Variants in BRWD3 observed in about 807,000 individuals in gnomAD.
The protein encoded by BRWD3 is bromodomain and WD repeat-containing protein 3.
Under a neutral mutation model 149.7 loss-of-function variants are expected in BRWD3, and 10 were observed. The observed-to-expected ratio is 0.07, with a 90% CI of 0.04 to 0.11. The LOEUF is 0.11. Ranked by LOEUF, BRWD3 falls within the 10% of genes least tolerant of loss-of-function variation. BRWD3 has a pLI of 1.00. For synonymous variants in BRWD3, 504 were observed against 456.7 expected, an observed-to-expected ratio of 1.10 and a Z score of -1.32; for missense variants, 940 against 1,373.2, an observed-to-expected ratio of 0.68 and a Z score of 4.99.
At chrX:80,748,798 T>C (rs1454803041) in intron 6 of BRWD3, among the ~76,000 whole-genome samples, 1 of 111,740 alleles carries the variant, frequency 8.9e-6, no homozygotes, top group African/African-American at 3.3e-5. Context: ...TTGTTCATCT[T>C]TTTCTAGTTC....
chrX:80,674,892 T>G lies in BRWD3; in HGVS notation c.*1717A>C, dbSNP rs1304243812. On this transcript the variant is annotated 3_prime_UTR_variant, in exon 41 of 41. Transcript: ENST00000373275. The stretch of plus-strand genomic sequence containing the variant: ...TATGTGTGTACGCCTTCCTCTGCAC[T>G]TAAGGGTTTTCAGATGCATGAAATG... 2 of 111,890 alleles carry G rather than the reference T, an allele frequency of 1.8e-5. No homozygotes were observed. Among genetic ancestry groups the G allele is most frequent in the African/African-American group, 3.2e-5 (1 of 30,823 alleles). 9.2% of individuals were successfully genotyped at this position (111,890 alleles called of 1,213,427 possible).
At chrX:80,729,536 G>A in intron 13 of BRWD3, among the ~76,000 whole-genome samples, 1 of 111,471 alleles carries the variant, frequency 9.0e-6, no homozygotes, top group Non-Finnish European at 1.9e-5. Context: ...TTATAAAAGT[G>A]TCCTTAGAAA....
intron 22 of BRWD3, 21 bp downstream of exon 22, chrX:80,707,406 A>C (rs2072882148): frequency 1.7e-6 from 2 of 1,183,328 alleles, no homozygotes; most frequent in African/African-American, 3.5e-5. Flanking sequence ...ATTTTGACCA[A>C]ATTAAAACCA....
Position 80,688,966 on chromosome X carries a change from A to G in BRWD3, c.3807+802T>C, listed in dbSNP as rs1047173249. 6.6e-5 allele frequency among the ~76,000 whole-genome samples: 6 copies of G among 91,036 alleles called. No homozygotes were observed. In the East Asian group the frequency reaches 1.7e-3, roughly 26 times the overall value. The allele number at this position is 91,036 out of a possible 115,157, so 79.1% of individuals were successfully genotyped here. ...ACATTTAACTGCAATAATATATTTC[A>G]TAGTCAGACACATTTTCATGAAAAA... On this transcript the variant is annotated intron_variant, in intron 33 of 40. Transcript: ENST00000373275.
intron 17 of BRWD3, 69 bp downstream of exon 17, chrX:80,722,493 A>C (rs773038939): frequency 8.8e-5 from 87 of 991,201 alleles, no homozygotes; most frequent in Admixed American, 8.8e-4. Context: ...GGCATACATC[A>C]TAGAGAGAAC....
rs968878017 is a variant in BRWD3 at position 80,747,699 on chromosome X, G to A, written c.431-1970C>T. On this transcript the variant is annotated intron_variant, in intron 6 of 40. Coordinates refer to ENST00000373275, the MANE Select transcript of BRWD3 (RefSeq NM_153252.5). The stretch of plus-strand genomic sequence containing the variant: ...CCAAAGTACTTTCTTAGATTCTATC[G>A]TAAATGGAATTGTTTCACTGAGTTC... 3.6e-5 allele frequency among the ~76,000 whole-genome samples: 4 copies of A among 111,486 alleles called. No homozygotes were observed. In the East Asian group the frequency reaches 1.1e-3, roughly 32 times the overall value.
chrX:80,685,497 C>T lies in BRWD3; in HGVS notation c.4045G>A (p.Val1349Ile), dbSNP rs1210165971. Residue 1349 changes from valine to isoleucine, a missense_variant, in exon 36 of 41, where the codon GTT becomes ATT. Val to Ile is a conservative substitution (Grantham distance 29). Around this residue, in one of 6 missense-constraint regions of BRWD3, gnomAD observed 349 missense variants for 419.6 expected, o/e 0.83. Coordinates refer to ENST00000373275, the MANE Select transcript of BRWD3 (RefSeq NM_153252.5). ...GATGAATCTTGTTGTCTTTCTGGAA[C>T]AACAGACTCTGAGGATTCTCCCTCT... The part of the protein sequence containing the change: ...EQEGESSESV[V>I]PERQQDSSLS... 3 of 1,209,027 alleles carry T rather than the reference C, an allele frequency of 2.5e-6. No individual in the cohort carries two copies. Among genetic ancestry groups the T allele is most frequent in the East Asian group, 5.9e-5 (2 of 33,734 alleles).
intron 8 of BRWD3, chrX:80,743,774 T>A: frequency 3.1e-6 from 1 of 326,929 alleles, no homozygotes; most frequent in Non-Finnish European, 5.3e-6. Context: ...GTTTTCTCCC[T>A]TCTTAACAAA....
intron 21 of BRWD3, 89 bp downstream of exon 21, chrX:80,709,339 C>T: frequency 8.7e-6 from 6 of 687,811 alleles, no homozygotes; most frequent in Non-Finnish European, 1.3e-5. Context: ...AAATAATTTT[C>T]TATTAAAGAA....
intron 8 of BRWD3, among the ~76,000 whole-genome samples, chrX:80,740,718 C>T (rs2073474836): frequency 9.0e-6 from 1 of 111,612 alleles, no homozygotes; most frequent in Non-Finnish European, 1.9e-5. Flanking sequence ...CACTGCACTC[C>T]AGCATGGGTG....
In BRWD3 at chrX:80,793,572, C is replaced by T. The variant is rs368767975; in HGVS notation, c.331+50G>A. 1.6e-4 allele frequency: 179 copies of T among 1,140,847 alleles called. No individual in the cohort carries two copies. The African/African-American group carries it at 2.7e-3, about 17-fold the overall frequency. 94.0% of individuals were successfully genotyped at this position (1,140,847 alleles called of 1,213,427 possible). On this transcript the variant is annotated intron_variant, in intron 5 of 40. Coordinates refer to ENST00000373275, the MANE Select transcript of BRWD3 (RefSeq NM_153252.5). ...ATTTACTCAATCTAAAAATAAGCTA[C>T]TCTCCACTCCTTCCTCTGATATCAC...
chrX:80,707,469 A>G lies in BRWD3; in HGVS notation c.2510T>C (p.Val837Ala), dbSNP rs757007089. 8.3e-7 allele frequency: 1 copy of G among 1,211,714 alleles called. No individual in the cohort carries two copies. Among genetic ancestry groups the G allele is most frequent in the Non-Finnish European group, 1.1e-6 (1 of 895,226 alleles). Residue 837 changes from valine to alanine, a missense_variant, in exon 22 of 41, where the codon GTA (valine) becomes GCA (alanine). By Grantham distance (64) the Val-to-Ala change is moderately conservative. This residue lies in a region of BRWD3 where 158 missense variants were observed against 284.0 expected (regional missense o/e 0.56). Transcript: ENST00000373275. Reference sequence around the variant, plus strand: ...TTGCCATTCAACAACAGGATCCTCTACCGAAGCGTCACTTGTGCCAACAGT... The same window carrying G: ...TTGCCATTCAACAACAGGATCCTCTGCCGAAGCGTCACTTGTGCCAACAGT... ...DETVGTSDAS[V>A]EDPVVEWQSE...
chrX:80,714,190 T>G, intron 20 of BRWD3, among the ~76,000 whole-genome samples: 1 of 105,896 alleles, frequency 9.4e-6, no homozygotes, highest in East Asian at 3.0e-4. Context: ...ATCTGCATAA[T>G]AAGAATCTTG....
chrX:80,803,107 A>C (rs2074319038), intron 4 of BRWD3, among the ~76,000 whole-genome samples: 1 of 41,488 alleles, frequency 2.4e-5, no homozygotes, highest in Non-Finnish European at 1.4e-4. Flanking sequence ...ATCTCAAAAA[A>C]AAAAAAAAAA....
At chrX:80,762,865 C>T (rs2073817385) in intron 6 of BRWD3, among the ~76,000 whole-genome samples, 1 of 111,144 alleles carries the variant, frequency 9.0e-6, no homozygotes, top group Admixed American at 9.6e-5. Context: ...TTCATTAAAG[C>T]TTAGTTCCTT....
chrX:80,797,751 G>A (rs1018177698), intron 4 of BRWD3, among the ~76,000 whole-genome samples: 1 of 111,419 alleles, frequency 9.0e-6, no homozygotes, highest in Non-Finnish European at 1.9e-5. Context: ...AAAATTGCTC[G>A]ATTTCTAAGC....
chrX:80,701,393 C>T (rs1569251480), intron 24 of BRWD3, among the ~76,000 whole-genome samples: 1 of 106,726 alleles, frequency 9.4e-6, no homozygotes. Context: ...ACTAAAAATA[C>T]AAAAATTCAC....
At chrX:80,767,884 A>C (rs1294466011) in intron 6 of BRWD3, among the ~76,000 whole-genome samples, 1 of 111,963 alleles carries the variant, frequency 8.9e-6, no homozygotes, top group African/African-American at 3.2e-5. Flanking sequence ...GAAAAACTTA[A>C]ATGACCTGAT....
rs192982376 is a variant in BRWD3, at chrX:80,791,222, C to T, written c.430+632G>A. ...TCTGTAGGCACTATATATAAAATAA[C>T]GTAATTTTTTAGAAGAGCGAGAAAG... is the stretch of plus-strand genomic sequence containing the variant. On this transcript the variant is annotated intron_variant, in intron 6 of 40. Transcript: ENST00000373275. Among the ~76,000 whole-genome samples, 178 of 111,785 alleles carry T rather than the reference C, an allele frequency of 1.6e-3. 1 individual carries two copies. Among genetic ancestry groups the T allele is most frequent in the African/African-American group, 5.7e-3 (176 of 30,866 alleles).
Sources: allele counts gnomAD v4.1 joint callset (sites outside exome capture counted in the v4.1 genomes callset), GRCh38; gene constraint gnomAD v4.1.1; regional missense constraint gnomAD v4.1.1; transcripts MANE v1.5; gene names NCBI Gene and HGNC (gene_info 2026-07-23, HGNC 2026-07-21).